Variants in RANBP17 observed in about 807,000 individuals in gnomAD.
RANBP17 encodes ran-binding protein 17.
Under a neutral mutation model 141.2 loss-of-function variants are expected in RANBP17, and 158 were observed. That is an observed-to-expected ratio of 1.12 (90% confidence interval 0.98 to 1.28). The LOEUF (loss-of-function observed/expected upper bound fraction) is 1.28, where lower values mean the gene tolerates loss of function less well. Among genes scored for constraint, RANBP17 ranks in the 50% most tolerant of loss-of-function variants. RANBP17 has a pLI of 0.00. For missense variants in RANBP17, 1,438 were observed against 1,290.7 expected (o/e 1.11, Z -1.75); for synonymous variants, 430 against 450.0 (o/e 0.96, Z 0.56).
At chr5:171,220,123 TTG>T (rs990799101) in intron 21 of RANBP17, among the ~76,000 whole-genome samples, 46 of 152,268 alleles carry the variant, frequency 3.0e-4, no homozygotes, top group African/African-American at 1.1e-3. Flanking sequence ...TGCTTTCTGT[TTG>T]TTAGTTTTTC....
chr5:171,185,632 C>G (rs191600022), intron 18 of RANBP17, among the ~76,000 whole-genome samples: 73 of 152,318 alleles, frequency 4.8e-4, no homozygotes, highest in African/African-American at 1.7e-3. Context: ...TTTCATGAGA[C>G]TGGAGCAATT....
chr5:171,052,991 C>G (rs1466143948), intron 14 of RANBP17, among the ~76,000 whole-genome samples: 6 of 23,220 alleles, frequency 2.6e-4, no homozygotes, highest in Non-Finnish European at 7.5e-4. Flanking sequence ...TAGCTACTTT[C>G]ATATTTTTAT....
chr5:171,292,035 G>A lies in RANBP17; in HGVS notation c.2944-1848G>A, dbSNP rs188372162. 8.9e-4 allele frequency among the ~76,000 whole-genome samples: 136 copies of A among 152,226 alleles called. 2 individuals are homozygous for A. The Middle Eastern group carries it at 0.014, about 15-fold the overall frequency. On this transcript the variant is annotated intron_variant, in intron 25 of 27. Transcript: ENST00000523189. ...TTTAATCTTTTCCATTAAAATATCCGTTCTGCCTTCAGATTGTGAAGCCCA... is the reference window on the plus strand; with the variant it reads ...TTTAATCTTTTCCATTAAAATATCCATTCTGCCTTCAGATTGTGAAGCCCA...
At chr5:170,975,633 C>A (rs1431914911) in intron 14 of RANBP17, among the ~76,000 whole-genome samples, 1 of 152,152 alleles carries the variant, frequency 6.6e-6, no homozygotes, top group Non-Finnish European at 1.5e-5. Flanking sequence ...GGTTCTTTGC[C>A]ACTTTTATAA....
chr5:170,954,975 A>C (rs995950082), intron 13 of RANBP17, among the ~76,000 whole-genome samples: 6 of 152,178 alleles, frequency 3.9e-5, no homozygotes, highest in Non-Finnish European at 7.4e-5. Context: ...GCCTCCTGTC[A>C]GATCAGCAGG....
chr5:170,984,621 G>C (rs893306060), intron 14 of RANBP17, among the ~76,000 whole-genome samples: 9 of 151,700 alleles, frequency 5.9e-5, no homozygotes, highest in Admixed American at 5.3e-4. Flanking sequence ...GCAAGACCCT[G>C]TCTCAAAAAA....
intron 11 of RANBP17, among the ~76,000 whole-genome samples, chr5:170,921,271 G>C (rs1772439319): frequency 6.6e-6 from 1 of 152,148 alleles, no homozygotes; most frequent in Non-Finnish European, 1.5e-5. Flanking sequence ...TTTTGTGTAA[G>C]GTGTAAGGAA....
intron 1 of RANBP17, among the ~76,000 whole-genome samples, chr5:170,863,125 G>T (rs1405778958): frequency 6.6e-6 from 1 of 152,158 alleles, no homozygotes. Flanking sequence ...GCAGTCTACT[G>T]GTCCTTGAAA....
intron 1 of RANBP17, among the ~76,000 whole-genome samples, chr5:170,876,254 C>T (rs1376346988): frequency 6.6e-6 from 1 of 152,090 alleles, no homozygotes; most frequent in Non-Finnish European, 1.5e-5. Flanking sequence ...TGGGTTACCC[C>T]AACTGCCTAG....
At chr5:171,226,104 C>T (rs1188680791) in intron 22 of RANBP17, among the ~76,000 whole-genome samples, 3 of 152,132 alleles carry the variant, frequency 2.0e-5, no homozygotes, top group Admixed American at 6.5e-5. Flanking sequence ...TGCTACGATC[C>T]GTTCAGCCTG....
intron 14 of RANBP17, among the ~76,000 whole-genome samples, chr5:171,081,970 C>T (rs903576068): frequency 6.6e-6 from 1 of 152,114 alleles, no homozygotes; most frequent in African/African-American, 2.4e-5. Context: ...ATCCTTCTAA[C>T]TCTAAAATTG....
Position 171,241,156 on chromosome 5 carries a change from C to T in RANBP17, c.2637+14C>T. 1 of 1,590,122 alleles carries T rather than the reference C, an allele frequency of 6.3e-7. No individual in the cohort carries two copies. Among genetic ancestry groups the T allele is most frequent in the Middle Eastern group, 1.7e-4 (1 of 5,984 alleles). On this transcript the variant is annotated intron_variant, in intron 23 of 27. Transcript: ENST00000523189. ...AGTGACTTGCTAGTAAGCAATCATG[C>T]ATCATGGGAGTGTTTGTATGAAATG... is the stretch of plus-strand genomic sequence containing the variant.
chr5:171,193,112 C>T (rs967340145), intron 18 of RANBP17, among the ~76,000 whole-genome samples: 1 of 152,150 alleles, frequency 6.6e-6, no homozygotes, highest in African/African-American at 2.4e-5. Context: ...TTTTCTTCGC[C>T]CAGTGCCTAT....
chr5:170,959,201 C>G (rs987874081), intron 13 of RANBP17, among the ~76,000 whole-genome samples: 2 of 152,164 alleles, frequency 1.3e-5, no homozygotes, highest in Non-Finnish European at 2.9e-5. Context: ...CCCTCATTAT[C>G]AAGACTTTAA....
intron 24 of RANBP17, among the ~76,000 whole-genome samples, chr5:171,257,843 C>T (rs1435049877): frequency 4.6e-5 from 7 of 152,146 alleles, no homozygotes; most frequent in East Asian, 1.9e-4. Context: ...CGGTGGCTCA[C>T]GCCTGTAATC....
At chr5:171,127,898 C>T (rs966142568) in intron 14 of RANBP17, among the ~76,000 whole-genome samples, 7 of 152,166 alleles carry the variant, frequency 4.6e-5, no homozygotes, top group Non-Finnish European at 7.4e-5. Context: ...CGGTGGCTCA[C>T]GCCTGTAATC....
At chr5:171,134,650 T>C (rs1757149111) in intron 14 of RANBP17, among the ~76,000 whole-genome samples, 1 of 152,222 alleles carries the variant, frequency 6.6e-6, no homozygotes, top group Non-Finnish European at 1.5e-5. Context: ...AGTGTAATAC[T>C]CTTTTGAATA....
intron 26 of RANBP17, among the ~76,000 whole-genome samples, chr5:171,294,362 C>A (rs1474432554): frequency 6.6e-6 from 1 of 152,190 alleles, no homozygotes; most frequent in Non-Finnish European, 1.5e-5. Context: ...TAGGTGGTGA[C>A]AGCAGCAGCC....
At chr5:171,276,814 T>C (rs142593426) in intron 25 of RANBP17, among the ~76,000 whole-genome samples, 22 of 151,600 alleles carry the variant, frequency 1.5e-4, no homozygotes, top group African/African-American at 4.8e-4. Flanking sequence ...CTCACAAGTA[T>C]GGCAAATGGC....
Sources: gnomAD v4.1 joint callset for allele counts (sites outside exome capture counted in the v4.1 genomes callset) on GRCh38, gnomAD v4.1.1 for gene constraint, MANE v1.5 for transcripts, NCBI Gene and HGNC (gene_info 2026-07-23, HGNC 2026-07-21) for gene names.